DLGAP1: variants seen among roughly 807,000 people sequenced by gnomAD.
The protein encoded by DLGAP1 is disks large-associated protein 1.
A neutral mutation model predicts 90.8 loss-of-function variants in DLGAP1; 11 were observed. That is an observed-to-expected ratio of 0.12 (90% CI 0.08 to 0.20). The LOEUF (loss-of-function observed/expected upper bound fraction) is 0.20. Among genes scored for constraint, DLGAP1 ranks in the 10% least tolerant of loss-of-function variants. The pLI is 1.00. For synonymous variants in DLGAP1, 558 were observed against 540.7 expected, an observed-to-expected ratio of 1.03 and a Z score of -0.44; for missense variants, 1,050 against 1,333.8, an observed-to-expected ratio of 0.79 and a Z score of 3.31.
intron 7 of DLGAP1, among the ~76,000 whole-genome samples, chr18:3,717,668 T>G (rs1406203944): frequency 6.6e-5 from 10 of 152,208 alleles, no homozygotes; most frequent in African/African-American, 2.2e-4. Context: ...TGTGGAGACA[T>G]CAGAGTCATC....
chr18:3,665,974 G>A (rs2059864218), intron 7 of DLGAP1, among the ~76,000 whole-genome samples: 2 of 152,108 alleles, frequency 1.3e-5, no homozygotes, highest in South Asian at 4.1e-4. Context: ...GGCGGCTGCC[G>A]AGCTGGAAAC....
At chr18:3,831,576 C>G (rs928382014) in intron 4 of DLGAP1, among the ~76,000 whole-genome samples, 1 of 152,196 alleles carries the variant, frequency 6.6e-6, no homozygotes, top group East Asian at 1.9e-4. Flanking sequence ...TCCTTTTCTT[C>G]ACATTAATAT....
At chr18:4,314,773 T>C (rs1306686911) in intron 1 of DLGAP1, among the ~76,000 whole-genome samples, 2 of 152,146 alleles carry the variant, frequency 1.3e-5, no homozygotes, top group Admixed American at 6.5e-5. Context: ...GCTATTTTCA[T>C]AGGATGGTAC....
chr18:4,416,261 T>A (rs1026441525), intron 1 of DLGAP1, among the ~76,000 whole-genome samples: 1 of 152,156 alleles, frequency 6.6e-6, no homozygotes, highest in South Asian at 2.1e-4. Flanking sequence ...GGCAATAGTG[T>A]CCTTTGTGGA....
At chr18:4,022,079 T>C (rs2074619815) in intron 2 of DLGAP1, among the ~76,000 whole-genome samples, 1 of 152,216 alleles carries the variant, frequency 6.6e-6, no homozygotes, top group African/African-American at 2.4e-5. Flanking sequence ...AGCTGAGCTT[T>C]CATGAAGGCT....
At chr18:3,826,656 TG>T (rs2067731394) in intron 4 of DLGAP1, among the ~76,000 whole-genome samples, 1 of 151,930 alleles carries the variant, frequency 6.6e-6, no homozygotes, top group African/African-American at 2.4e-5. Context: ...TTGGGGAGTG[TG>T]GGGGTCCATT....
At chr18:3,751,187 G>A (rs1193627351) in intron 5 of DLGAP1, among the ~76,000 whole-genome samples, 2 of 152,212 alleles carry the variant, frequency 1.3e-5, no homozygotes, top group Non-Finnish European at 2.9e-5. Context: ...GCCGGGCACT[G>A]TCTTTAAATC....
At chr18:4,031,701 A>G (rs931353562) in intron 2 of DLGAP1, among the ~76,000 whole-genome samples, 9 of 152,234 alleles carry the variant, frequency 5.9e-5, no homozygotes, top group African/African-American at 2.2e-4. Context: ...GATCTGTCTG[A>G]TGATAATGAA....
chr18:3,989,412 G>C (rs2073915209), intron 3 of DLGAP1, among the ~76,000 whole-genome samples: 1 of 152,186 alleles, frequency 6.6e-6, no homozygotes, highest in Admixed American at 6.5e-5. Context: ...TCAATGAAGA[G>C]AAGGAAGACT....
At chr18:3,947,144 T>C (rs1428116352) in intron 3 of DLGAP1, among the ~76,000 whole-genome samples, 1 of 152,220 alleles carries the variant, frequency 6.6e-6, no homozygotes, top group Non-Finnish European at 1.5e-5. Flanking sequence ...CATTCCAGCC[T>C]ACACACATTG....
At chr18:3,886,156 T>C (rs1355740884) in intron 3 of DLGAP1, among the ~76,000 whole-genome samples, 2 of 152,130 alleles carry the variant, frequency 1.3e-5, no homozygotes, top group Non-Finnish European at 2.9e-5. Context: ...GCGACTTACT[T>C]TAGAAAGAAA....
intron 4 of DLGAP1, among the ~76,000 whole-genome samples, chr18:3,837,294 C>G (rs2068443631): frequency 6.6e-6 from 1 of 152,040 alleles, no homozygotes; most frequent in Admixed American, 6.5e-5. Context: ...AGTTTATTTT[C>G]TATAAAAAGG....
At chr18:4,215,931 T>C (rs896712343) in intron 1 of DLGAP1, among the ~76,000 whole-genome samples, 6 of 151,964 alleles carry the variant, frequency 3.9e-5, no homozygotes, top group Admixed American at 6.6e-5. Flanking sequence ...ACTAGGGACA[T>C]AGACAAAAAG....
At chr18:3,695,152 G>A (rs112411022) in intron 7 of DLGAP1, among the ~76,000 whole-genome samples, 19,317 of 151,638 alleles carry the variant, frequency 0.13, 1,339 homozygotes, top group Non-Finnish European at 0.15. Context: ...CACCGTGTTA[G>A]CCAGGATGGT....
chr18:3,764,280 A>G (rs955406048), intron 5 of DLGAP1, among the ~76,000 whole-genome samples: 4 of 152,210 alleles, frequency 2.6e-5, no homozygotes, highest in Non-Finnish European at 5.9e-5. Context: ...TAAGCATGTC[A>G]TCTATATCCT....
chr18:4,376,838 C>T (rs1226076572), intron 1 of DLGAP1, among the ~76,000 whole-genome samples: 2 of 152,050 alleles, frequency 1.3e-5, no homozygotes, highest in South Asian at 2.1e-4. Flanking sequence ...TTCAGGTGTT[C>T]GAACTTGGCA....
chr18:4,300,108 T>C (rs550417083), intron 1 of DLGAP1, among the ~76,000 whole-genome samples: 10 of 152,304 alleles, frequency 6.6e-5, no homozygotes, highest in African/African-American at 2.4e-4. Context: ...TACAAAAGCA[T>C]ATAGAGAAAT....
intron 1 of DLGAP1, among the ~76,000 whole-genome samples, chr18:4,405,707 G>A (rs766096197): frequency 5.3e-5 from 8 of 152,148 alleles, no homozygotes; most frequent in South Asian, 2.1e-4. Context: ...TATCTTGTGC[G>A]CTTAGAAGAC....
chr18:4,415,572 T>C (rs1177444437), intron 1 of DLGAP1, among the ~76,000 whole-genome samples: 1 of 152,198 alleles, frequency 6.6e-6, no homozygotes, highest in African/African-American at 2.4e-5. Flanking sequence ...AAAACAAATA[T>C]TAACTTTTTT....
Sources: gnomAD v4.1 joint callset for allele counts (sites outside exome capture counted in the v4.1 genomes callset) on GRCh38, gnomAD v4.1.1 for gene constraint, MANE v1.5 for transcripts, NCBI Gene and HGNC (gene_info 2026-07-23, HGNC 2026-07-21) for gene names.